Variants in NYAP2 observed in about 807,000 individuals in gnomAD.
The protein encoded by NYAP2 is neuronal tyrosine-phosphorylated phosphoinositide-3-kinase adapter 2.
A neutral mutation model predicts 50.4 loss-of-function variants in NYAP2; 23 were observed. The observed-to-expected ratio is 0.46, with a 90% CI of 0.33 to 0.65. NYAP2 has a LOEUF of 0.65. Ranked by LOEUF, NYAP2 falls within the 30% of genes least tolerant of loss-of-function variation. The pLI is 0.02. For missense variants in NYAP2, 885 were observed against 861.0 expected (o/e 1.03, Z -0.35); for synonymous variants, 394 against 365.2 (o/e 1.08, Z -0.90).
chr2:225,702,166 A>G, the NYAP2 span: 2 of 151,762 alleles, frequency 1.3e-5, no homozygotes, highest in African/African-American at 4.8e-5. Flanking sequence ...AGTAGAATAG[A>G]TAGCAATTCA....
chr2:225,593,012 A>T (rs946513717), intron 5 of NYAP2, among the ~76,000 whole-genome samples: 2 of 152,252 alleles, frequency 1.3e-5, no homozygotes, highest in African/African-American at 4.8e-5. Flanking sequence ...AAATACTAGA[A>T]CTGATTTTTC....
intron 3 of NYAP2, among the ~76,000 whole-genome samples, chr2:225,457,910 T>G (rs1237013085): frequency 6.6e-6 from 1 of 152,218 alleles, no homozygotes; most frequent in Non-Finnish European, 1.5e-5. Context: ...ATGATGTTTT[T>G]TTAGAACAAA....
intron 3 of NYAP2, among the ~76,000 whole-genome samples, chr2:225,479,571 A>G (rs1481185660): frequency 6.6e-6 from 1 of 152,192 alleles, no homozygotes; most frequent in Non-Finnish European, 1.5e-5. Flanking sequence ...TGGTCCAGCC[A>G]AAATAATAAC....
Position 225,637,077 on chromosome 2 carries a change from T to C in NYAP2, c.1828+9951T>C, listed in dbSNP as rs180899073. Among the ~76,000 whole-genome samples the C allele has an allele frequency of 4.4e-4, 67 of 152,346 alleles. 1 individual carries two copies. Among genetic ancestry groups the C allele is most frequent in the Non-Finnish European group, 7.4e-4 (50 of 68,024 alleles). On this transcript the variant is annotated intron_variant, in intron 6 of 6. Coordinates refer to ENST00000636099, the Ensembl canonical transcript of NYAP2. ...TCCAAGTGAAAATGCTTTATTGCTT[T>C]ATTATTAGGTAATAGTATAGTAGTA...
chr2:225,465,340 T>C (rs10498189), intron 3 of NYAP2, among the ~76,000 whole-genome samples: 3,595 of 152,162 alleles, frequency 0.024, 137 homozygotes, highest in African/African-American at 0.081. Flanking sequence ...ACCCTACATT[T>C]TTCTTAGAGT....
the NYAP2 span, among the ~76,000 whole-genome samples, chr2:225,667,395 T>A: frequency 6.6e-6 from 1 of 152,272 alleles, no homozygotes; most frequent in African/African-American, 2.4e-5. Flanking sequence ...ATACAATTTG[T>A]CAGAGAAATG....
chr2:225,581,562 T>G (rs188029430), intron 4 of NYAP2, among the ~76,000 whole-genome samples: 264 of 152,174 alleles, frequency 1.7e-3, no homozygotes, highest in African/African-American at 5.8e-3. Context: ...AGACTTTAGG[T>G]TTTTTTTCCT....
intron 5 of NYAP2, among the ~76,000 whole-genome samples, chr2:225,622,102 G>A (rs1693114174): frequency 6.6e-6 from 1 of 152,154 alleles, no homozygotes; most frequent in Non-Finnish European, 1.5e-5. Context: ...CACAATCTCA[G>A]CTCACTGCAG....
the NYAP2 span, among the ~76,000 whole-genome samples, chr2:225,697,564 AAAAC>A: frequency 1.3e-5 from 2 of 152,008 alleles, no homozygotes; most frequent in African/African-American, 4.8e-5. Flanking sequence ...CAAGAATAAA[AAAAC>A]ATTCATTCAA....
intron 5 of NYAP2, among the ~76,000 whole-genome samples, chr2:225,625,043 T>TAAAAAAAAA (rs386392796): frequency 1.7e-4 from 12 of 69,626 alleles, no homozygotes; most frequent in African/African-American, 6.6e-4. Context: ...AACCCAAGCG[T>TAAAAAAAAA]AAAAAAAAAA....
chr2:225,685,982 TTC>T, the NYAP2 span, among the ~76,000 whole-genome samples: 1 of 152,170 alleles, frequency 6.6e-6, no homozygotes, highest in Admixed American at 6.5e-5. Flanking sequence ...TATGATTTTT[TTC>T]TGTCATTTTA....
the NYAP2 span, among the ~76,000 whole-genome samples, chr2:225,672,576 T>G: frequency 6.6e-6 from 1 of 152,166 alleles, no homozygotes; most frequent in African/African-American, 2.4e-5. Context: ...TAAGAACTTT[T>G]CCTTTGCATT....
At chr2:225,539,830 C>T (rs1044631861) in intron 4 of NYAP2, among the ~76,000 whole-genome samples, 2 of 152,020 alleles carry the variant, frequency 1.3e-5, no homozygotes, top group Non-Finnish European at 2.9e-5. Flanking sequence ...GCAAATTTTC[C>T]AAACTTTTAT....
At chr2:225,489,221 TG>T in intron 3 of NYAP2, among the ~76,000 whole-genome samples, 1 of 152,212 alleles carries the variant, frequency 6.6e-6, no homozygotes, top group Admixed American at 6.5e-5. Flanking sequence ...TTAAGAGTTT[TG>T]CTTTGTCACC....
intron 3 of NYAP2, among the ~76,000 whole-genome samples, chr2:225,496,369 T>A (rs545571175): frequency 6.6e-6 from 1 of 152,174 alleles, no homozygotes; most frequent in African/African-American, 2.4e-5. Flanking sequence ...GGAATATGTG[T>A]ATATTTAACA....
At chr2:225,643,913 T>G (rs1693579677) in intron 6 of NYAP2, among the ~76,000 whole-genome samples, 3 of 150,686 alleles carry the variant, frequency 2.0e-5, no homozygotes. Context: ...TACGTGTGCA[T>G]GTGTCTTTAT....
At chr2:225,441,133 T>C (rs1289096035) in intron 3 of NYAP2, among the ~76,000 whole-genome samples, 3 of 152,216 alleles carry the variant, frequency 2.0e-5, no homozygotes, top group Non-Finnish European at 2.9e-5. Flanking sequence ...TACTGTGAAC[T>C]AGGCTGAGTC....
chr2:225,626,871 G>T, intron 5 of NYAP2, 46 bp from the exon 6 acceptor site: 1 of 1,388,264 alleles, frequency 7.2e-7, no homozygotes, highest in South Asian at 1.3e-5. Context: ...AATTTAGGAA[G>T]AACTTTACTC....
chr2:225,552,834 C>A (rs1013196225), intron 4 of NYAP2, among the ~76,000 whole-genome samples: 1 of 152,100 alleles, frequency 6.6e-6, no homozygotes, highest in African/African-American at 2.4e-5. Context: ...ACTACAGGCA[C>A]CTGCCACCAC....
Sources: gnomAD v4.1 joint callset for allele counts (sites outside exome capture counted in the v4.1 genomes callset) on GRCh38, gnomAD v4.1.1 for gene constraint, MANE v1.5 for transcripts, NCBI Gene and HGNC (gene_info 2026-07-23, HGNC 2026-07-21) for gene names.